The following NRG3 variants were observed in gnomAD, a reference collection of about 807,000 sequenced individuals.
NRG3 encodes pro-neuregulin-3, membrane-bound isoform.
In NRG3, 31 loss-of-function variants were observed where a neutral mutation model predicts 66.9. The observed-to-expected ratio is 0.46, with a 90% confidence interval of 0.35 to 0.63. The LOEUF is 0.63. Among genes scored for constraint, NRG3 ranks in the 20% least tolerant of loss-of-function variants. The pLI is 0.00. For missense variants in NRG3, 910 were observed against 878.9 expected, an observed-to-expected ratio of 1.04 and a Z score of -0.45; for synonymous variants, 393 against 359.4, an observed-to-expected ratio of 1.09 and a Z score of -1.06.
chr10:82,299,407 T>C (rs1369217811), intron 1 of NRG3, among the ~76,000 whole-genome samples: 2 of 152,084 alleles, frequency 1.3e-5, no homozygotes, highest in Non-Finnish European at 2.9e-5. Flanking sequence ...AGCTAATAAA[T>C]GGTAAGCCAG....
intron 2 of NRG3, among the ~76,000 whole-genome samples, chr10:82,638,373 A>C (rs1321743180): frequency 6.6e-6 from 1 of 152,190 alleles, no homozygotes; most frequent in African/African-American, 2.4e-5. Context: ...TTTGTTTTAA[A>C]TGTAAATACT....
intron 1 of NRG3, among the ~76,000 whole-genome samples, chr10:82,306,919 G>A (rs1305493020): frequency 1.3e-5 from 2 of 152,046 alleles, no homozygotes; most frequent in African/African-American, 4.8e-5. Context: ...GCTCTATGAA[G>A]TTTTGATATC....
At chr10:82,871,659 T>A (rs1470253330) in intron 4 of NRG3, among the ~76,000 whole-genome samples, 1 of 152,128 alleles carries the variant, frequency 6.6e-6, no homozygotes, top group African/African-American at 2.4e-5. Context: ...TACCTAGATA[T>A]TTCATTTTGG....
intron 1 of NRG3, among the ~76,000 whole-genome samples, chr10:82,070,223 C>T (rs534132677): frequency 6.6e-6 from 1 of 152,290 alleles, no homozygotes; most frequent in African/African-American, 2.4e-5. Context: ...TGTTTCTTCT[C>T]ACCTCTGAAG....
chr10:81,976,404 G>T (rs1282656247), intron 1 of NRG3, among the ~76,000 whole-genome samples: 4 of 152,098 alleles, frequency 2.6e-5, no homozygotes, highest in Admixed American at 6.6e-5. Flanking sequence ...CATTTCTCGA[G>T]CTTTTATTAT....
At chr10:82,473,056 A>G (rs1236919803) in intron 2 of NRG3, among the ~76,000 whole-genome samples, 1 of 152,218 alleles carries the variant, frequency 6.6e-6, no homozygotes, top group Non-Finnish European at 1.5e-5. Flanking sequence ...TACCAACTTC[A>G]GGAAAATTAG....
intron 1 of NRG3, among the ~76,000 whole-genome samples, chr10:82,192,910 A>G (rs945224593): frequency 2.0e-5 from 3 of 151,994 alleles, no homozygotes; most frequent in Admixed American, 6.6e-5. Flanking sequence ...AAGACATGAT[A>G]TTCAGCTTGA....
Position 82,698,965 on chromosome 10 carries a change from T to C in NRG3, c.954-39612T>C, listed in dbSNP as rs189503849. Among the ~76,000 whole-genome samples, 289 of 152,300 alleles carry C rather than the reference T, an allele frequency of 1.9e-3. 4 individuals are homozygous for C. Among genetic ancestry groups the C allele is most frequent in the Non-Finnish European group, 3.1e-3 (211 of 68,028 alleles). Reference sequence around the variant, plus strand: ...AAAAAGCAAATGTTGGTCTCATTGATATTTCTATGGCTAACTCATCATGGA... The same window carrying C: ...AAAAAGCAAATGTTGGTCTCATTGACATTTCTATGGCTAACTCATCATGGA... On this transcript the variant is annotated intron_variant, in intron 2 of 8. Coordinates refer to ENST00000372141, the MANE Select transcript of NRG3 (RefSeq NM_001010848.4).
intron 1 of NRG3, among the ~76,000 whole-genome samples, chr10:82,290,040 A>G (rs752316182): frequency 1.4e-4 from 22 of 152,292 alleles, no homozygotes; most frequent in Middle Eastern, 6.8e-3. Flanking sequence ...ATTTGCCTCA[A>G]TTATCACCTA....
intron 2 of NRG3, among the ~76,000 whole-genome samples, chr10:82,438,765 T>TG (rs1203539142): frequency 4.6e-5 from 7 of 152,040 alleles, no homozygotes; most frequent in Admixed American, 1.3e-4. Context: ...CTCCCTTGGC[T>TG]GGGGGGAGGG....
intron 2 of NRG3, among the ~76,000 whole-genome samples, chr10:82,725,909 T>G (rs754539950): frequency 2.0e-5 from 3 of 152,140 alleles, no homozygotes; most frequent in Non-Finnish European, 4.4e-5. Context: ...TACACTGCTA[T>G]TCACACGGTG....
intron 1 of NRG3, among the ~76,000 whole-genome samples, chr10:82,017,478 A>G (rs368813638): frequency 4.6e-5 from 7 of 152,132 alleles, no homozygotes; most frequent in Admixed American, 2.0e-4. Flanking sequence ...TGGGTCAAAT[A>G]GTATTTCTAG....
chr10:82,501,403 C>G (rs1844176500), intron 2 of NRG3, among the ~76,000 whole-genome samples: 1 of 152,154 alleles, frequency 6.6e-6, no homozygotes, highest in East Asian at 1.9e-4. Flanking sequence ...TGAAACCTGC[C>G]AAGGGCTCCC....
At chr10:82,695,003 A>G (rs1467241546) in intron 2 of NRG3, among the ~76,000 whole-genome samples, 1 of 152,104 alleles carries the variant, frequency 6.6e-6, no homozygotes, top group Non-Finnish European at 1.5e-5. Context: ...AGCCATTTAC[A>G]ATTACAATTA....
chr10:82,217,705 G>A (rs2075756800), intron 1 of NRG3, among the ~76,000 whole-genome samples: 1 of 148,858 alleles, frequency 6.7e-6, no homozygotes, highest in Non-Finnish European at 1.5e-5. Context: ...AAGCAGTATG[G>A]CCTGTGTGCT....
At chr10:81,976,918 T>G (rs2060146050) in intron 1 of NRG3, among the ~76,000 whole-genome samples, 1 of 152,194 alleles carries the variant, frequency 6.6e-6, no homozygotes, top group Non-Finnish European at 1.5e-5. Context: ...CACACAAATC[T>G]TCTTTAGGCA....
intron 1 of NRG3, among the ~76,000 whole-genome samples, chr10:82,291,509 A>G (rs1329890604): frequency 1.3e-5 from 2 of 152,226 alleles, no homozygotes; most frequent in African/African-American, 4.8e-5. Context: ...TAGAATAGTT[A>G]AAACAATGTT....
chr10:81,978,362 T>C (rs117737552), intron 1 of NRG3, among the ~76,000 whole-genome samples: 1 of 152,182 alleles, frequency 6.6e-6, no homozygotes, highest in East Asian at 1.9e-4. Flanking sequence ...TTCTTAAAAT[T>C]TATGCTATTG....
At chr10:82,216,594 G>A (rs1246217915) in intron 1 of NRG3, among the ~76,000 whole-genome samples, 2 of 133,998 alleles carry the variant, frequency 1.5e-5, no homozygotes, top group Admixed American at 7.7e-5. Flanking sequence ...GTGTGTGTGT[G>A]TATAGATATA....
Sources: allele counts gnomAD v4.1 joint callset (sites outside exome capture counted in the v4.1 genomes callset), GRCh38; gene constraint gnomAD v4.1.1; transcripts MANE v1.5; gene names NCBI Gene and HGNC (gene_info 2026-07-23, HGNC 2026-07-21).